The following TLR6 variants were observed in gnomAD, a reference collection of about 807,000 sequenced individuals.
TLR6 encodes toll like receptor 6, also known as toll-like receptor 6.
In TLR6, 9 loss-of-function variants were observed where a neutral mutation model predicts 16.1. The ratio of observed to expected loss-of-function variants is 0.56; its 90% confidence interval spans 0.34 to 0.98. The LOEUF (loss-of-function observed/expected upper bound fraction) is 0.98. Among genes scored for constraint, TLR6 ranks in the 50% least tolerant of loss-of-function variants. TLR6 has a pLI of 0.02. For synonymous variants in TLR6, 340 were observed against 338.6 expected, an observed-to-expected ratio of 1.00 and a Z score of -0.04; for missense variants, 786 against 921.0, an observed-to-expected ratio of 0.85 and a Z score of 1.90.
At chr4:38,856,198 CAG>C (rs1440245022) in intron 1 of TLR6, among the ~76,000 whole-genome samples, 1 of 152,174 alleles carries the variant, frequency 6.6e-6, no homozygotes, top group Admixed American at 6.5e-5. Flanking sequence ...AATGTTTATT[CAG>C]AGTCTATTTT....
upstream of TLR6, among the ~76,000 whole-genome samples, chr4:38,860,593 A>G (rs1428684134): frequency 6.6e-6 from 1 of 152,172 alleles, no homozygotes; most frequent in South Asian, 2.1e-4. Context: ...AACTTGTATA[A>G]TCACAAAAGT....
At chr4:38,858,753 GAGAGGGA>G (rs1713091760), upstream of TLR6, among the ~76,000 whole-genome samples, 1 of 69,456 alleles carries the variant, frequency 1.4e-5, no homozygotes, top group Non-Finnish European at 2.5e-5. Context: ...GAGAGAGAGA[GAGAGGGA>G]GAGAGAGAGA....
At chr4:38,866,865 T>C in the TLR6 span, among the ~76,000 whole-genome samples, 1 of 152,174 alleles carries the variant, frequency 6.6e-6, no homozygotes, top group Non-Finnish European at 1.5e-5. Context: ...TTCTTTAACT[T>C]TGAATTTATA....
chr4:38,839,337 G>A (rs905544579), intron 1 of TLR6, among the ~76,000 whole-genome samples: 7 of 151,384 alleles, frequency 4.6e-5, no homozygotes, highest in Admixed American at 6.6e-5. Context: ...AATGGAAAAA[G>A]CATAGACATT....
chr4:38,862,890 C>T, the TLR6 span, among the ~76,000 whole-genome samples: 83 of 148,550 alleles, frequency 5.6e-4, 1 homozygote, highest in Middle Eastern at 3.5e-3. Context: ...CCACTACACC[C>T]GGCCCCCAAT....
intron 1 of TLR6, among the ~76,000 whole-genome samples, chr4:38,855,168 T>C (rs1280361651): frequency 2.0e-5 from 3 of 147,120 alleles, no homozygotes; most frequent in African/African-American, 2.5e-5. Context: ...GCCGAGATCG[T>C]GCCGCTGCAC....
intron 1 of TLR6, among the ~76,000 whole-genome samples, chr4:38,851,469 A>G (rs950027809): frequency 2.0e-5 from 3 of 152,242 alleles, no homozygotes; most frequent in Non-Finnish European, 2.9e-5. Context: ...AGATGACATG[A>G]TAGTATATTT....
chr4:38,868,025 C>T, the TLR6 span: 2 of 421,930 alleles, frequency 4.7e-6, no homozygotes, highest in Non-Finnish European at 9.6e-6. Flanking sequence ...TGGGGCGGCG[C>T]GGCCGAGGGA....
intron 1 of TLR6, among the ~76,000 whole-genome samples, chr4:38,834,495 C>T (rs972489001): frequency 3.3e-5 from 5 of 151,918 alleles, no homozygotes; most frequent in African/African-American, 9.7e-5. Context: ...TAGCTAAAAA[C>T]TTTCCAGGTC....
At chr4:38,849,251 C>T (rs1712668261) in intron 1 of TLR6, among the ~76,000 whole-genome samples, 1 of 152,124 alleles carries the variant, frequency 6.6e-6, no homozygotes, top group Non-Finnish European at 1.5e-5. Flanking sequence ...CACCACCAGG[C>T]CTGCCCTAAA....
intron 1 of TLR6, among the ~76,000 whole-genome samples, chr4:38,853,597 T>C (rs1335515572): frequency 6.6e-6 from 1 of 152,218 alleles, no homozygotes; most frequent in Non-Finnish European, 1.5e-5. Context: ...AAATAAATTA[T>C]TATCATTACT....
upstream of TLR6, among the ~76,000 whole-genome samples, chr4:38,857,894 C>T (rs17501134): frequency 0.23 from 34,935 of 152,056 alleles, 4,854 homozygotes; most frequent in Non-Finnish European, 0.31. Flanking sequence ...TATCTGTGAC[C>T]CTGGAAAACC....
upstream of TLR6, among the ~76,000 whole-genome samples, chr4:38,860,717 C>G (rs1283228136): frequency 2.0e-5 from 3 of 152,162 alleles, no homozygotes; most frequent in South Asian, 6.2e-4. Flanking sequence ...GAAAAGGAAA[C>G]AGAAATAGCT....
At chr4:38,829,284 T>C in exon 2 of TLR6, 1 of 1,614,204 alleles carries the variant, frequency 6.2e-7, no homozygotes, top group Non-Finnish European at 8.5e-7. Flanking sequence ...AGCTCAGCGA[T>C]GTAGTTCTGA....
intron 1 of TLR6, among the ~76,000 whole-genome samples, chr4:38,848,627 C>T (rs570088922): frequency 5.3e-5 from 8 of 152,190 alleles, no homozygotes; most frequent in Admixed American, 6.5e-5. Context: ...AACTATGTGA[C>T]GAATGCACAA....
chr4:38,831,505 G>A (rs1346152529), intron 1 of TLR6, among the ~76,000 whole-genome samples: 1 of 152,158 alleles, frequency 6.6e-6, no homozygotes, highest in South Asian at 2.1e-4. Context: ...AGAAAACACT[G>A]TTAAGTTGGA....
At chr4:38,865,447 T>C in the TLR6 span, among the ~76,000 whole-genome samples, 1 of 152,080 alleles carries the variant, frequency 6.6e-6, no homozygotes, top group Non-Finnish European at 1.5e-5. Context: ...ATTGGATAGG[T>C]GTGGTTTGGG....
exon 2 of TLR6, chr4:38,826,491 T>G (rs1727548452): frequency 6.6e-6 from 1 of 152,248 alleles, no homozygotes; most frequent in Admixed American, 6.5e-5. Context: ...CAGCTTATGA[T>G]TAAGTCCATA....
intron 1 of TLR6, among the ~76,000 whole-genome samples, chr4:38,853,105 A>G (rs1712832234): frequency 6.6e-6 from 1 of 150,434 alleles, no homozygotes; most frequent in African/African-American, 2.5e-5. Context: ...GCTGGAAACC[A>G]TCATTCTCGT....
Sources: gnomAD v4.1 joint callset for allele counts (sites outside exome capture counted in the v4.1 genomes callset) on GRCh38, gnomAD v4.1.1 for gene constraint, MANE v1.5 for transcripts, NCBI Gene and HGNC (gene_info 2026-07-23, HGNC 2026-07-21) for gene names.